Variants in KLF12 observed in about 807,000 individuals in gnomAD.
KLF12 encodes the protein KLF transcription factor 12.
In KLF12, 9 loss-of-function variants were observed where a neutral mutation model predicts 37.8. That is an observed-to-expected ratio of 0.24 (90% CI 0.14 to 0.42). The LOEUF is 0.42. KLF12 is among the 10% of genes least tolerant of loss of function. The pLI is 1.00. For missense variants in KLF12, 411 were observed against 516.0 expected (o/e 0.80, Z 1.97); for synonymous variants, 208 against 202.1 (o/e 1.03, Z -0.25).
intron 1 of KLF12, among the ~76,000 whole-genome samples, chr13:74,076,776 T>G (rs1164660121): frequency 6.6e-6 from 1 of 152,188 alleles, no homozygotes; most frequent in Non-Finnish European, 1.5e-5. Flanking sequence ...AGTTACTCTT[T>G]CTGCTCCTCT....
chr13:73,930,492 T>C lies in KLF12; in HGVS notation c.123+13489A>G, dbSNP rs145680300. ...AAAGTTTTTTATTCAATTTGGGAAA[T>C]TGAAAGTTTTTTAAAAACCATCATT... is the stretch of plus-strand genomic sequence containing the variant. On this transcript the variant is annotated intron_variant, in intron 3 of 7. Transcript: ENST00000377669. Among the ~76,000 whole-genome samples, 617 of 152,310 alleles carry C rather than the reference T, an allele frequency of 4.1e-3. 9 individuals are homozygous for C. Among genetic ancestry groups the C allele is most frequent in the African/African-American group, 0.014 (577 of 41,572 alleles).
chr13:74,042,818 G>A (rs142273132), intron 1 of KLF12, among the ~76,000 whole-genome samples: 1 of 152,208 alleles, frequency 6.6e-6, no homozygotes, highest in East Asian at 1.9e-4. Flanking sequence ...AAATGAATAC[G>A]AAAAAAGCAT....
At chr13:73,962,599 ACT>A (rs1238563165) in intron 2 of KLF12, among the ~76,000 whole-genome samples, 3 of 152,034 alleles carry the variant, frequency 2.0e-5, no homozygotes, top group Admixed American at 1.3e-4. Flanking sequence ...GTAGATGGGA[ACT>A]CTCTGTACTT....
intron 4 of KLF12, among the ~76,000 whole-genome samples, chr13:73,823,836 G>A (rs777629813): frequency 2.0e-4 from 30 of 151,934 alleles, no homozygotes; most frequent in Non-Finnish European, 1.6e-4. Flanking sequence ...TCAGCCTCCC[G>A]AGTAGCTGGG....
At chr13:73,782,131 G>A (rs767254464) in intron 5 of KLF12, among the ~76,000 whole-genome samples, 10 of 152,180 alleles carry the variant, frequency 6.6e-5, no homozygotes, top group Non-Finnish European at 1.5e-4. Context: ...AGACCAGACT[G>A]CCGGGGTTCA....
chr13:74,050,396 CAAAGA>C (rs1346611553), intron 1 of KLF12, among the ~76,000 whole-genome samples: 1 of 152,026 alleles, frequency 6.6e-6, no homozygotes. Flanking sequence ...ATATGCTTAG[CAAAGA>C]AGAGAGTACA....
intron 1 of KLF12, among the ~76,000 whole-genome samples, chr13:74,080,984 C>T (rs567380236): frequency 6.6e-6 from 1 of 152,324 alleles, no homozygotes; most frequent in South Asian, 2.1e-4. Context: ...CTACCTGCAT[C>T]ATGCCTGTGG....
the KLF12 span, among the ~76,000 whole-genome samples, chr13:74,211,820 T>C: frequency 1.3e-5 from 2 of 152,210 alleles, no homozygotes; most frequent in African/African-American, 4.8e-5. Context: ...GAAGTTGGTT[T>C]ATTAACCCAA....
At chr13:73,829,585 G>C (rs1248319373) in intron 4 of KLF12, among the ~76,000 whole-genome samples, 1 of 152,114 alleles carries the variant, frequency 6.6e-6, no homozygotes, top group African/African-American at 2.4e-5. Context: ...ATAAGGTCTA[G>C]TACCAAGTTC....
At chr13:73,769,097 T>A (rs1460344522) in intron 5 of KLF12, among the ~76,000 whole-genome samples, 2 of 152,226 alleles carry the variant, frequency 1.3e-5, no homozygotes, top group Non-Finnish European at 2.9e-5. Flanking sequence ...AGCACAGTCA[T>A]AATAATATAC....
At chr13:73,953,034 C>G (rs1447293525) in intron 2 of KLF12, among the ~76,000 whole-genome samples, 1 of 152,052 alleles carries the variant, frequency 6.6e-6, no homozygotes, top group Non-Finnish European at 1.5e-5. Flanking sequence ...AGAAGAGTGT[C>G]AAGAATGACA....
chr13:73,863,830 T>C (rs557674013), intron 3 of KLF12, among the ~76,000 whole-genome samples: 1 of 152,226 alleles, frequency 6.6e-6, no homozygotes, highest in East Asian at 1.9e-4. Context: ...CAGGAGGGCT[T>C]GGGGTGGAAC....
At position 74,061,812 on chromosome 13, in the gene KLF12, A is replaced by G. The variant is rs146470959; in HGVS notation, c.-31-66759T>C. Among the ~76,000 whole-genome samples, 463 of 152,198 alleles carry G rather than the reference A, an allele frequency of 3.0e-3. 3 individuals carry two copies. Among genetic ancestry groups the G allele is most frequent in the African/African-American group, 9.5e-3 (396 of 41,582 alleles). ...AGTATTGTAGAAATCAAGGTCACAC[A>G]TGATTTTTATACCTTGACGTTATAT... is the stretch of plus-strand genomic sequence containing the variant. On this transcript the variant is annotated intron_variant, in intron 1 of 7. Coordinates refer to ENST00000377669, the MANE Select transcript of KLF12 (RefSeq NM_007249.5).
chr13:74,090,424 T>C (rs1253515584), intron 1 of KLF12, among the ~76,000 whole-genome samples: 1 of 152,104 alleles, frequency 6.6e-6, no homozygotes, highest in African/African-American at 2.4e-5. Context: ...GTGGTACATA[T>C]GTTACAATTG....
intron 3 of KLF12, among the ~76,000 whole-genome samples, chr13:73,850,140 T>A (rs1885258454): frequency 6.6e-6 from 1 of 152,184 alleles, no homozygotes. Context: ...AAACAATGTG[T>A]GTGAAAACCT....
At chr13:74,304,464 A>C in the KLF12 span, among the ~76,000 whole-genome samples, 1 of 152,172 alleles carries the variant, frequency 6.6e-6, no homozygotes, top group Non-Finnish European at 1.5e-5. Context: ...GTCAGTATCA[A>C]TTACAGCACC....
intron 4 of KLF12, among the ~76,000 whole-genome samples, chr13:73,821,381 C>G (rs1346312043): frequency 6.6e-6 from 1 of 152,162 alleles, no homozygotes; most frequent in Non-Finnish European, 1.5e-5. Context: ...GACTAGTATT[C>G]CTCAAAAATC....
chr13:73,742,949 C>G (rs1003677685), intron 6 of KLF12, among the ~76,000 whole-genome samples: 1 of 151,774 alleles, frequency 6.6e-6, no homozygotes, highest in Admixed American at 6.6e-5. Context: ...AAAGGAAAGG[C>G]TGTTCTTCAG....
intron 1 of KLF12, among the ~76,000 whole-genome samples, chr13:74,050,198 G>A (rs1000130218): frequency 6.6e-6 from 1 of 152,170 alleles, no homozygotes; most frequent in African/African-American, 2.4e-5. Context: ...AATGTATTGG[G>A]AATCTTAATG....
Sources: allele counts gnomAD v4.1 joint callset (sites outside exome capture counted in the v4.1 genomes callset), GRCh38; gene constraint gnomAD v4.1.1; transcripts MANE v1.5; gene names NCBI Gene and HGNC (gene_info 2026-07-23, HGNC 2026-07-21).